Variants in DSCAM observed in about 807,000 individuals in gnomAD.
DSCAM encodes DS cell adhesion molecule.
In DSCAM, 47 loss-of-function variants were observed where a neutral mutation model predicts 217.7. The ratio of observed to expected loss-of-function variants is 0.22; its 90% confidence interval spans 0.17 to 0.28. DSCAM has a LOEUF of 0.28. Among genes scored for constraint, DSCAM ranks in the 10% least tolerant of loss-of-function variants. The probability of loss-of-function intolerance (pLI) is 1.00; values close to 1 mark genes in which losing one functional copy is unlikely to be tolerated. For synonymous variants in DSCAM, 1,056 were observed against 1,015.3 expected (o/e 1.04, Z -0.76); for missense variants, 2,080 against 2,618.3 (o/e 0.79, Z 4.49).
chr21:40,229,255 G>A (rs1021829813), intron 11 of DSCAM, among the ~76,000 whole-genome samples: 1 of 152,212 alleles, frequency 6.6e-6, no homozygotes, highest in African/African-American at 2.4e-5. Context: ...CATCCAATTA[G>A]TAAAGTTATT....
chr21:40,796,860 C>T (rs2091695975), intron 1 of DSCAM, among the ~76,000 whole-genome samples: 1 of 152,162 alleles, frequency 6.6e-6, no homozygotes, highest in Non-Finnish European at 1.5e-5. Flanking sequence ...AAAAAAGCAT[C>T]CACTTCCAAT....
intron 10 of DSCAM, among the ~76,000 whole-genome samples, chr21:40,289,681 T>C (rs1413832710): frequency 1.3e-5 from 2 of 152,340 alleles, no homozygotes; most frequent in Non-Finnish European, 2.9e-5. Flanking sequence ...GCCTGATTTA[T>C]AAATTAAACT....
intron 3 of DSCAM, among the ~76,000 whole-genome samples, chr21:40,385,875 G>A (rs2075080100): frequency 6.6e-6 from 1 of 152,182 alleles, no homozygotes; most frequent in Non-Finnish European, 1.5e-5. Context: ...ATAATGCAAA[G>A]TATAAAATAA....
chr21:40,596,898 G>T lies in DSCAM; in HGVS notation c.508+95912C>A, dbSNP rs573197879. On this transcript the variant is annotated intron_variant, in intron 3 of 32. Coordinates refer to ENST00000400454, the MANE Select transcript of DSCAM (RefSeq NM_001389.5). ...TATATATATATGCTCATGTTCCTCAGTATTCCAGAATTCATCAAAAGATAA... is the reference window on the plus strand; with the variant it reads ...TATATATATATGCTCATGTTCCTCATTATTCCAGAATTCATCAAAAGATAA... Among the ~76,000 whole-genome samples the T allele has an allele frequency of 1.1e-4, 16 of 151,956 alleles. No homozygotes were observed. In the South Asian group the frequency reaches 3.3e-3, roughly 32 times the overall value.
intron 3 of DSCAM, among the ~76,000 whole-genome samples, chr21:40,473,241 AAAGAGTGGCACC>A (rs1911160601): frequency 6.6e-6 from 1 of 152,268 alleles, no homozygotes; most frequent in Non-Finnish European, 1.5e-5. Flanking sequence ...CTGCAGGCAC[AAAGAGTGGCACC>A]AAGAGTGGCA....
chr21:40,571,015 T>C (rs1476192108), intron 3 of DSCAM, among the ~76,000 whole-genome samples: 1 of 152,042 alleles, frequency 6.6e-6, no homozygotes, highest in Non-Finnish European at 1.5e-5. Context: ...CCCAAGAAGA[T>C]TAGCAAACCA....
intron 3 of DSCAM, among the ~76,000 whole-genome samples, chr21:40,657,275 T>A (rs1278570503): frequency 6.6e-6 from 1 of 152,212 alleles, no homozygotes; most frequent in Non-Finnish European, 1.5e-5. Flanking sequence ...AGGCATACTC[T>A]GCCTAATCTT....
intron 1 of DSCAM, among the ~76,000 whole-genome samples, chr21:40,749,937 C>CTT (rs554590479): frequency 2.7e-5 from 4 of 146,642 alleles, no homozygotes; most frequent in African/African-American, 2.5e-5. Flanking sequence ...CTTTCTTCTT[C>CTT]TTTTTTTTTT....
At chr21:40,809,257 G>T (rs973279566) in intron 1 of DSCAM, among the ~76,000 whole-genome samples, 5 of 152,120 alleles carry the variant, frequency 3.3e-5, no homozygotes, top group African/African-American at 1.2e-4. Context: ...CATAAGACTG[G>T]ACAAGGGGCC....
chr21:40,042,754 G>T, intron 31 of DSCAM, 81 bp from the exon 32 acceptor site: 3 of 1,383,746 alleles, frequency 2.2e-6, no homozygotes, highest in South Asian at 1.4e-5. Flanking sequence ...CCTGGCTTGG[G>T]GCTGTTTTCT....
At chr21:40,543,717 G>A (rs2076559351) in intron 3 of DSCAM, among the ~76,000 whole-genome samples, 1 of 152,014 alleles carries the variant, frequency 6.6e-6, no homozygotes, top group South Asian at 2.1e-4. Context: ...TATCAAATTA[G>A]TACTTCTCAT....
intron 3 of DSCAM, among the ~76,000 whole-genome samples, chr21:40,523,591 C>A (rs2076376918): frequency 6.6e-6 from 1 of 152,112 alleles, no homozygotes; most frequent in South Asian, 2.1e-4. Flanking sequence ...CTTCTGGCTC[C>A]CCCATCTGCT....
intron 3 of DSCAM, among the ~76,000 whole-genome samples, chr21:40,424,456 C>T (rs566248863): frequency 6.6e-6 from 1 of 152,106 alleles, no homozygotes; most frequent in African/African-American, 2.4e-5. Context: ...ATAATACAAA[C>T]CAACAAGAGC....
At chr21:40,164,784 AGAGT>A (rs2090576380) in intron 16 of DSCAM, among the ~76,000 whole-genome samples, 1 of 152,008 alleles carries the variant, frequency 6.6e-6, no homozygotes, top group Admixed American at 6.6e-5. Flanking sequence ...CCTGGGCGAC[AGAGT>A]GAGACTCTGT....
At chr21:40,156,283 AAGACAGAGAGAGAG>A (rs1396308714) in intron 16 of DSCAM, among the ~76,000 whole-genome samples, 14 of 86,262 alleles carry the variant, frequency 1.6e-4, no homozygotes, top group African/African-American at 5.4e-4. Context: ...CAGTCAAACT[AAGACAGAGAGAGAG>A]AGAGAGAGAG....
chr21:40,516,733 C>T (rs1336778572), intron 3 of DSCAM, among the ~76,000 whole-genome samples: 1 of 151,966 alleles, frequency 6.6e-6, no homozygotes, highest in Admixed American at 6.6e-5. Flanking sequence ...GGAGAACATT[C>T]GAGAAGGGAA....
chr21:40,206,475 T>C (rs2091127750), intron 11 of DSCAM, among the ~76,000 whole-genome samples: 1 of 152,026 alleles, frequency 6.6e-6, no homozygotes, highest in South Asian at 2.1e-4. Context: ...TGAGGTACAA[T>C]GGTACAGCTG....
intron 3 of DSCAM, among the ~76,000 whole-genome samples, chr21:40,574,061 T>C (rs1232526410): frequency 1.3e-5 from 2 of 151,012 alleles, no homozygotes; most frequent in Non-Finnish European, 3.0e-5. Flanking sequence ...AAGGAAGGCG[T>C]AATACCAATT....
At chr21:40,748,116 G>A (rs2091192793) in intron 1 of DSCAM, among the ~76,000 whole-genome samples, 1 of 151,762 alleles carries the variant, frequency 6.6e-6, no homozygotes, top group Non-Finnish European at 1.5e-5. Context: ...ATCATACTGA[G>A]CAGGAAACAG....
Sources: gnomAD v4.1 joint callset for allele counts (sites outside exome capture counted in the v4.1 genomes callset) on GRCh38, gnomAD v4.1.1 for gene constraint, MANE v1.5 for transcripts, NCBI Gene and HGNC (gene_info 2026-07-23, HGNC 2026-07-21) for gene names.